TMEM132D: variants seen among roughly 807,000 people sequenced by gnomAD.
TMEM132D encodes transmembrane protein 132D.
In TMEM132D, 21 loss-of-function variants were observed where a neutral mutation model predicts 62.3. That is an observed-to-expected ratio of 0.34 (90% confidence interval 0.24 to 0.49). The LOEUF is 0.49. TMEM132D is among the 20% of genes least tolerant of loss of function. The pLI, the probability that TMEM132D is intolerant of heterozygous loss-of-function variation, is 0.99. For synonymous variants in TMEM132D, 621 were observed against 575.6 expected, an observed-to-expected ratio of 1.08 and a Z score of -1.13; for missense variants, 1,346 against 1,402.8, an observed-to-expected ratio of 0.96 and a Z score of 0.65.
intron 1 of TMEM132D, among the ~76,000 whole-genome samples, chr12:129,828,092 GTATGCAAATCA>G (rs1456362850): frequency 6.6e-6 from 1 of 152,144 alleles, no homozygotes; most frequent in Non-Finnish European, 1.5e-5. Context: ...GAGAATGATT[GTATGCAAATCA>G]TATGCAAAGA....
At chr12:129,663,092 C>G (rs1243591205) in intron 2 of TMEM132D, among the ~76,000 whole-genome samples, 1 of 151,510 alleles carries the variant, frequency 6.6e-6, no homozygotes. Context: ...CCGTTCCAGG[C>G]AGAAGAAAGG....
chr12:129,266,783 G>C (rs1160141261), intron 4 of TMEM132D, among the ~76,000 whole-genome samples: 1 of 151,886 alleles, frequency 6.6e-6, no homozygotes, highest in East Asian at 1.9e-4. Flanking sequence ...CATTAAGATT[G>C]ACCTCCTAAA....
chr12:129,104,754 A>G (rs1187741262), intron 5 of TMEM132D, among the ~76,000 whole-genome samples: 2 of 150,650 alleles, frequency 1.3e-5, no homozygotes, highest in African/African-American at 5.0e-5. Flanking sequence ...ACACTTCTCA[A>G]AAGAAGACAT....
intron 2 of TMEM132D, among the ~76,000 whole-genome samples, chr12:129,534,937 TC>T (rs968076447): frequency 1.0e-4 from 14 of 140,216 alleles, no homozygotes; most frequent in African/African-American, 4.2e-4. Flanking sequence ...TCCCATCCAG[TC>T]CCTTCTTGTT....
intron 5 of TMEM132D, among the ~76,000 whole-genome samples, chr12:129,168,818 G>T (rs1168559655): frequency 6.6e-6 from 1 of 152,106 alleles, no homozygotes; most frequent in East Asian, 1.9e-4. Flanking sequence ...CCTGGGTGGG[G>T]AATCACCCTT....
intron 2 of TMEM132D, among the ~76,000 whole-genome samples, chr12:129,676,672 G>C (rs1020130325): frequency 6.6e-6 from 1 of 152,148 alleles, no homozygotes; most frequent in Admixed American, 6.5e-5. Flanking sequence ...ATTCATAAAG[G>C]ATCTAACCCC....
At position 129,735,192 on chromosome 12, in the gene TMEM132D, C is replaced by T. The variant is rs7136970; in HGVS notation, c.80-34494G>A. 7.2e-3 allele frequency among the ~76,000 whole-genome samples: 1,101 copies of T among 152,260 alleles called. 17 individuals are homozygous for T. The highest frequency in any genetic ancestry group is 0.025 in the African/African-American group (1,028 of 41,554). On this transcript the variant is annotated intron_variant, in intron 1 of 8. Transcript: ENST00000422113. ...AATGAAATTGTGTTACATTCCGTAT[C>T]GCAGTCTTGATCACATTTTGCATGA... is the stretch of plus-strand genomic sequence containing the variant.
At chr12:129,721,280 C>T (rs1024118346) in intron 1 of TMEM132D, among the ~76,000 whole-genome samples, 4 of 152,154 alleles carry the variant, frequency 2.6e-5, no homozygotes, top group African/African-American at 4.8e-5. Flanking sequence ...ATCAGATCCA[C>T]GTCCAGGACT....
At chr12:129,612,936 C>T (rs149906736) in intron 2 of TMEM132D, among the ~76,000 whole-genome samples, 1 of 152,212 alleles carries the variant, frequency 6.6e-6, no homozygotes, top group Non-Finnish European at 1.5e-5. Flanking sequence ...AATATTTTAA[C>T]ATTTCATGTC....
chr12:129,337,780 C>T lies in TMEM132D; in HGVS notation c.1153G>A (p.Val385Met), dbSNP rs1177270048. The change falls in exon 4 of 9, where the codon GTG becomes ATG. Residue 385 changes from valine to methionine, a missense_variant. Transcript: ENST00000422113. ...GASYEVMQID[V>M]EVEEPGDLPA... ...AGGTCACCAGGCTCTTCCACCTCCA[C>T]ATCGATCTGCATGACCTCGTAGGAG... The T allele has an allele frequency of 3.7e-6, 6 of 1,613,598 alleles. No homozygotes were observed. Among genetic ancestry groups the T allele is most frequent in the East Asian group, 4.5e-5 (2 of 44,890 alleles).
intron 3 of TMEM132D, among the ~76,000 whole-genome samples, chr12:129,490,577 C>T (rs1220788749): frequency 4.8e-5 from 7 of 146,952 alleles, no homozygotes; most frequent in African/African-American, 1.3e-4. Flanking sequence ...TACAGGCGCC[C>T]GCCCACCACG....
At chr12:129,323,672 A>G (rs1868795622) in intron 4 of TMEM132D, among the ~76,000 whole-genome samples, 1 of 152,232 alleles carries the variant, frequency 6.6e-6, no homozygotes, top group Non-Finnish European at 1.5e-5. Flanking sequence ...CTAATCCTCA[A>G]TGTTGCATAT....
In TMEM132D at chr12:129,218,298, G is replaced by A. The variant is rs1879264251; in HGVS notation, c.1300-8635C>T. Among the ~76,000 whole-genome samples, 5 of 152,120 alleles carry A rather than the reference G, an allele frequency of 3.3e-5. 1 individual carries two copies. In the South Asian group the frequency reaches 1.0e-3, roughly 32 times the overall value. On this transcript the variant is annotated intron_variant, in intron 4 of 8. Coordinates refer to ENST00000422113, the MANE Select transcript of TMEM132D (RefSeq NM_133448.3). ...AACAGTTATGGGTCACTAAGGATGG[G>A]GATACATTCCGAGAAATGCATTGTT...
chr12:129,471,497 C>T (rs1482733551), intron 3 of TMEM132D, among the ~76,000 whole-genome samples: 1 of 152,124 alleles, frequency 6.6e-6, no homozygotes, highest in East Asian at 1.9e-4. Context: ...GTTCCTCCAT[C>T]CTTCTCCCTC....
intron 4 of TMEM132D, among the ~76,000 whole-genome samples, chr12:129,303,230 G>A (rs112261433): frequency 6.5e-5 from 2 of 30,614 alleles, no homozygotes; most frequent in Non-Finnish European, 1.2e-4. Context: ...ATCACTCGCC[G>A]GGACTCTGCA....
At chr12:129,381,431 T>C (rs911180337) in intron 3 of TMEM132D, among the ~76,000 whole-genome samples, 2 of 152,230 alleles carry the variant, frequency 1.3e-5, no homozygotes, top group Non-Finnish European at 2.9e-5. Context: ...TTGCAGCTTT[T>C]CACTGTAATC....
chr12:129,273,663 T>G (rs1167905197), intron 4 of TMEM132D, among the ~76,000 whole-genome samples: 1 of 151,788 alleles, frequency 6.6e-6, no homozygotes, highest in Non-Finnish European at 1.5e-5. Context: ...AATTAATGCA[T>G]GAACGAAAAA....
chr12:129,689,221 T>C (rs931061064), intron 2 of TMEM132D, among the ~76,000 whole-genome samples: 2 of 152,198 alleles, frequency 1.3e-5, no homozygotes, highest in African/African-American at 2.4e-5. Flanking sequence ...TAGCAAAACA[T>C]GGAACAGGGG....
chr12:129,127,219 T>G (rs951073460), intron 5 of TMEM132D, among the ~76,000 whole-genome samples: 5 of 152,124 alleles, frequency 3.3e-5, no homozygotes, highest in African/African-American at 1.2e-4. Flanking sequence ...CAATCACTCA[T>G]AGCCAAAGGA....
Sources: allele counts gnomAD v4.1 joint callset (sites outside exome capture counted in the v4.1 genomes callset), GRCh38; gene constraint gnomAD v4.1.1; transcripts MANE v1.5; gene names NCBI Gene and HGNC (gene_info 2026-07-23, HGNC 2026-07-21).